Variants in DIP2C observed in about 807,000 individuals in gnomAD.
DIP2C encodes the protein DIP2 acetate--CoA ligase C (putative).
A neutral mutation model predicts 192.4 loss-of-function variants in DIP2C; 33 were observed. The observed-to-expected ratio is 0.17, with a 90% CI of 0.13 to 0.23. The LOEUF (loss-of-function observed/expected upper bound fraction) is 0.23, where lower values mean the gene tolerates loss of function less well. Ranked by LOEUF, DIP2C falls within the 10% of genes least tolerant of loss-of-function variation. The pLI, the probability that DIP2C is intolerant of heterozygous loss-of-function variation, is 1.00. For missense variants in DIP2C, 1,537 were observed against 2,110.1 expected (o/e 0.73, Z 5.32); for synonymous variants, 979 against 864.1 (o/e 1.13, Z -2.33).
chr10:421,856 C>T (rs1966207380), intron 5 of DIP2C, among the ~76,000 whole-genome samples: 1 of 152,194 alleles, frequency 6.6e-6, no homozygotes, highest in South Asian at 2.1e-4. Flanking sequence ...CAGCAAACTC[C>T]TGTTCCAGAC....
chr10:453,450 T>C (rs2133342470), intron 3 of DIP2C, among the ~76,000 whole-genome samples: 1 of 152,288 alleles, frequency 6.6e-6, no homozygotes, highest in Middle Eastern at 3.4e-3. Flanking sequence ...ATGCCTGAAA[T>C]ACAAATGCTT....
intron 35 of DIP2C, 67 bp from the exon 36 acceptor site, chr10:281,390 TAAAA>T (rs909106876): frequency 2.9e-5 from 39 of 1,352,042 alleles, no homozygotes; most frequent in Non-Finnish European, 3.7e-5. Flanking sequence ...CTTCTTTTCT[TAAAA>T]AAAGATTAAA....
chr10:288,062 C>T (rs765754506), intron 33 of DIP2C, among the ~76,000 whole-genome samples: 4 of 152,146 alleles, frequency 2.6e-5, no homozygotes, highest in Non-Finnish European at 4.4e-5. Flanking sequence ...CGGAAGCAGC[C>T]GCTTCAGCTC....
intron 1 of DIP2C, among the ~76,000 whole-genome samples, chr10:553,129 C>T (rs997802964): frequency 6.6e-6 from 1 of 152,228 alleles, no homozygotes; most frequent in African/African-American, 2.4e-5. Flanking sequence ...CCTGACCTCC[C>T]TAAGAAGAGC....
At chr10:460,212 G>C (rs1377293001) in intron 3 of DIP2C, among the ~76,000 whole-genome samples, 1 of 152,016 alleles carries the variant, frequency 6.6e-6, no homozygotes, top group Non-Finnish European at 1.5e-5. Context: ...AAGTCTCCAG[G>C]TTTTCTTTTC....
chr10:517,008 T>TCAG (rs1846406340), intron 1 of DIP2C, among the ~76,000 whole-genome samples: 1 of 151,632 alleles, frequency 6.6e-6, no homozygotes, highest in African/African-American at 2.4e-5. Context: ...CTCAGGCCCA[T>TCAG]CAGGGGCTTC....
At chr10:682,352 G>T (rs911112767) in intron 1 of DIP2C, among the ~76,000 whole-genome samples, 28 of 152,148 alleles carry the variant, frequency 1.8e-4, no homozygotes, top group African/African-American at 6.5e-4. Flanking sequence ...TAGAAGAAAG[G>T]GCAGATTGCC....
chr10:611,502 T>C (rs952883434), intron 1 of DIP2C, among the ~76,000 whole-genome samples: 3 of 152,158 alleles, frequency 2.0e-5, no homozygotes, highest in Non-Finnish European at 4.4e-5. Flanking sequence ...TTTCCCCATC[T>C]CTGGCAAACC....
intron 3 of DIP2C, among the ~76,000 whole-genome samples, chr10:465,191 G>C (rs1162398628): frequency 1.0e-4 from 14 of 140,096 alleles, no homozygotes; most frequent in African/African-American, 3.3e-4. Context: ...TATCCACCAT[G>C]ATCAAGTGGG....
Position 300,446 on chromosome 10 carries a change from A to C in DIP2C, c.3986+9585T>G, listed in dbSNP as rs1386792332. Among the ~76,000 whole-genome samples the C allele has an allele frequency of 2.6e-5, 4 of 152,360 alleles. No homozygotes were observed. The East Asian group carries it at 7.7e-4, about 29-fold the overall frequency. ...CATGAGGTACCTACCTAGAGTAGTC[A>C]AATTCATAGACAAAGTAGAATGGTG... On this transcript the variant is annotated intron_variant, in intron 32 of 36. Coordinates refer to ENST00000280886, the MANE Select transcript of DIP2C (RefSeq NM_014974.3).
intron 1 of DIP2C, among the ~76,000 whole-genome samples, chr10:628,462 T>C (rs1221289369): frequency 6.6e-6 from 1 of 152,244 alleles, no homozygotes; most frequent in Non-Finnish European, 1.5e-5. Flanking sequence ...AAGACCTCTG[T>C]TGGCAACGGG....
chr10:638,801 TA>T (rs1393368818), intron 1 of DIP2C, among the ~76,000 whole-genome samples: 2 of 152,186 alleles, frequency 1.3e-5, no homozygotes, highest in African/African-American at 4.8e-5. Context: ...TGCACATATT[TA>T]AAATCACGGG....
chr10:283,164 G>A (rs896371228), intron 35 of DIP2C, 108 bp downstream of exon 35: 13 of 1,420,432 alleles, frequency 9.2e-6, no homozygotes, highest in Admixed American at 4.4e-5. Flanking sequence ...TAGCACACGT[G>A]CCCTCCTGGC....
At chr10:683,506 G>C (rs1312261261) in intron 1 of DIP2C, among the ~76,000 whole-genome samples, 2 of 152,158 alleles carry the variant, frequency 1.3e-5, no homozygotes, top group Non-Finnish European at 1.5e-5. Context: ...GTGGAAGCAG[G>C]AAGGACACCC....
chr10:576,554 G>A lies in DIP2C; in HGVS notation c.86-90024C>T, dbSNP rs189804419. The stretch of plus-strand genomic sequence containing the variant: ...ACACAACCACATTCATTTCAATTGT[G>A]CTTTCTACTCCAATTTAATACAACC... On this transcript the variant is annotated intron_variant, in intron 1 of 36. Transcript: ENST00000280886. Among the ~76,000 whole-genome samples the A allele has an allele frequency of 5.3e-5, 8 of 152,300 alleles. No individual in the cohort carries two copies. The East Asian group carries it at 5.8e-4, about 11-fold the overall frequency.
intron 1 of DIP2C, among the ~76,000 whole-genome samples, chr10:579,661 CAT>C (rs528942395): frequency 4.2e-4 from 64 of 152,112 alleles, no homozygotes; most frequent in African/African-American, 1.4e-3. Context: ...CATCCAGATC[CAT>C]AGTGTATGTA....
At chr10:385,535 G>A (rs970885691) in intron 14 of DIP2C, among the ~76,000 whole-genome samples, 14 of 152,148 alleles carry the variant, frequency 9.2e-5, no homozygotes, top group African/African-American at 2.9e-4. Flanking sequence ...CTTGAGAACC[G>A]CACACTGCTC....
At chr10:344,487 C>T (rs1469209040) in intron 28 of DIP2C, among the ~76,000 whole-genome samples, 1 of 152,122 alleles carries the variant, frequency 6.6e-6, no homozygotes, top group Non-Finnish European at 1.5e-5. Context: ...GGTTAAAACG[C>T]TAGAAAGTGC....
chr10:574,795 G>A (rs1850050106), intron 1 of DIP2C, among the ~76,000 whole-genome samples: 1 of 152,206 alleles, frequency 6.6e-6, no homozygotes, highest in African/African-American at 2.4e-5. Flanking sequence ...GATACTAGAG[G>A]TCTTGTGCAG....
Sources: gnomAD v4.1 joint callset for allele counts (sites outside exome capture counted in the v4.1 genomes callset) on GRCh38, gnomAD v4.1.1 for gene constraint, MANE v1.5 for transcripts, NCBI Gene and HGNC (gene_info 2026-07-23, HGNC 2026-07-21) for gene names.